CNTNAP4: variants seen among roughly 807,000 people sequenced by gnomAD.
The protein encoded by CNTNAP4 is contactin-associated protein-like 4.
CNTNAP4 carries 98 observed loss-of-function variants against 148.4 expected under a neutral mutation model. The ratio of observed to expected loss-of-function variants is 0.66; its 90% CI spans 0.56 to 0.78. The LOEUF (loss-of-function observed/expected upper bound fraction) is 0.78. CNTNAP4 is among the 30% of genes least tolerant of loss of function. The probability of loss-of-function intolerance (pLI) is 0.00; values close to 1 mark genes in which losing one functional copy is unlikely to be tolerated. For synonymous variants in CNTNAP4, 730 were observed against 565.1 expected (o/e 1.29, Z -4.14); for missense variants, 1,935 against 1,565.6 (o/e 1.24, Z -3.98).
intron 10 of CNTNAP4, among the ~76,000 whole-genome samples, chr16:76,474,477 C>A (rs1278173343): frequency 6.6e-6 from 1 of 152,120 alleles, no homozygotes; most frequent in Non-Finnish European, 1.5e-5. Flanking sequence ...GAAAAAAAAT[C>A]CATAATATCT....
chr16:76,317,277 C>CAAAAAAAAAAA (rs1567680000), intron 2 of CNTNAP4, among the ~76,000 whole-genome samples: 53 of 85,038 alleles, frequency 6.2e-4, no homozygotes, highest in Non-Finnish European at 1.0e-3. Context: ...AAAAAAAAAA[C>CAAAAAAAAAAA]CAAAAAAAAA....
At chr16:76,529,626 C>T (rs529414200) in intron 17 of CNTNAP4, among the ~76,000 whole-genome samples, 33 of 152,206 alleles carry the variant, frequency 2.2e-4, no homozygotes, top group Admixed American at 1.2e-3. Flanking sequence ...GGTTTTCAAA[C>T]GGGGCTAAAT....
At chr16:76,356,331 G>A (rs537551864) in intron 3 of CNTNAP4, among the ~76,000 whole-genome samples, 7 of 151,890 alleles carry the variant, frequency 4.6e-5, no homozygotes, top group Non-Finnish European at 4.4e-5. Flanking sequence ...ACACATGTAC[G>A]CATATATATG....
intron 2 of CNTNAP4, among the ~76,000 whole-genome samples, chr16:76,318,766 A>C (rs28415066): frequency 2.1e-3 from 287 of 139,294 alleles, no homozygotes; most frequent in Admixed American, 3.1e-3. Context: ...TATTCATAAT[A>C]ATAATCATAA....
At chr16:76,467,977 C>T (rs1481909928) in intron 10 of CNTNAP4, among the ~76,000 whole-genome samples, 1 of 152,130 alleles carries the variant, frequency 6.6e-6, no homozygotes, top group African/African-American at 2.4e-5. Context: ...CAGCTGGTTG[C>T]ACTTCTCCTA....
chr16:76,414,031 C>T (rs535693845), intron 3 of CNTNAP4, among the ~76,000 whole-genome samples: 2 of 151,366 alleles, frequency 1.3e-5, no homozygotes, highest in African/African-American at 2.4e-5. Context: ...CCTTTCCAAT[C>T]CTACTACCTG....
intron 1 of CNTNAP4, among the ~76,000 whole-genome samples, chr16:76,312,152 A>G (rs918193798): frequency 2.0e-5 from 3 of 152,164 alleles, no homozygotes; most frequent in Non-Finnish European, 2.9e-5. Flanking sequence ...CACTATTGAC[A>G]TTTGAGACCA....
intron 3 of CNTNAP4, among the ~76,000 whole-genome samples, chr16:76,355,839 CTTTTATTTATTTATTT>C (rs998704293): frequency 2.8e-5 from 4 of 142,236 alleles, no homozygotes; most frequent in African/African-American, 1.1e-4. Flanking sequence ...CTTGCATTGT[CTTTTATTTATTTATTT>C]ATTTATTTAT....
intron 10 of CNTNAP4, among the ~76,000 whole-genome samples, chr16:76,474,397 C>T (rs527983293): frequency 1.5e-4 from 23 of 152,170 alleles, no homozygotes; most frequent in African/African-American, 4.6e-4. Context: ...GCCTGTAGTC[C>T]GCAAGAAACC....
chr16:76,282,197 A>G (rs535702282), intron 1 of CNTNAP4, among the ~76,000 whole-genome samples: 21 of 152,042 alleles, frequency 1.4e-4, no homozygotes, highest in African/African-American at 5.1e-4. Flanking sequence ...AACAGAGGAT[A>G]TCTTCAAGTT....
intron 2 of CNTNAP4, among the ~76,000 whole-genome samples, chr16:76,318,754 A>G (rs1487808897): frequency 7.0e-6 from 1 of 142,840 alleles, no homozygotes; most frequent in Non-Finnish European, 1.5e-5. Flanking sequence ...TAATCATAAT[A>G]ATATTCATAA....
At chr16:76,370,505 G>A (rs2014684518) in intron 3 of CNTNAP4, among the ~76,000 whole-genome samples, 1 of 152,120 alleles carries the variant, frequency 6.6e-6, no homozygotes, top group Admixed American at 6.5e-5. Flanking sequence ...AAATACCCTG[G>A]TTCCTCCCTT....
intron 3 of CNTNAP4, among the ~76,000 whole-genome samples, chr16:76,408,979 T>C (rs1401581750): frequency 6.6e-6 from 1 of 152,036 alleles, no homozygotes; most frequent in Non-Finnish European, 1.5e-5. Flanking sequence ...TTTTCAAACC[T>C]GCGGGAACAA....
At position 76,553,493 on chromosome 16, in the gene CNTNAP4, C is replaced by G. The variant is rs778044346; in HGVS notation, c.3653C>G (p.Ser1218Trp). 1 of 1,607,866 alleles carries G rather than the reference C, an allele frequency of 6.2e-7. No individual in the cohort carries two copies. The highest frequency in any genetic ancestry group is 1.7e-5 in the Admixed American group (1 of 59,520). Residue 1218 changes from serine (S) to tryptophan (W), a missense_variant, in exon 22 of 24, where the codon TCG becomes TGG. Physicochemically the swap from Ser to Trp is radical, Grantham distance 177. Coordinates refer to ENST00000611870, the MANE Select transcript of CNTNAP4 (RefSeq NM_033401.5). ...GCCACATCAAGGGAAAGGACACACT[C>G]GTTTGCAGGTGACTTAGAGTTCTTC... ...TDATSRERTH[S>W]FADHSGTIDD...
intron 4 of CNTNAP4, among the ~76,000 whole-genome samples, chr16:76,433,780 G>A (rs1276154095): frequency 6.6e-6 from 1 of 152,062 alleles, no homozygotes; most frequent in East Asian, 1.9e-4. Context: ...ACTCCCACAT[G>A]CTAACTGCTA....
At chr16:76,480,016 AC>A (rs2081758098) in intron 12 of CNTNAP4, among the ~76,000 whole-genome samples, 1 of 152,174 alleles carries the variant, frequency 6.6e-6, no homozygotes, top group African/African-American at 2.4e-5. Context: ...TTCGATAAAG[AC>A]CAGAAAACTT....
chr16:76,552,912 A>G (rs966622183), intron 21 of CNTNAP4, among the ~76,000 whole-genome samples: 1 of 152,206 alleles, frequency 6.6e-6, no homozygotes, highest in Admixed American at 6.5e-5. Flanking sequence ...TTGTTTTCAA[A>G]TCCAGGATGT....
intron 20 of CNTNAP4, 125 bp downstream of exon 20, chr16:76,539,977 A>G (rs960853437): frequency 1.5e-6 from 1 of 664,620 alleles, no homozygotes; most frequent in Non-Finnish European, 2.5e-6. Context: ...TCTGCAGATA[A>G]TAGACCTCAA....
chr16:76,399,551 T>A (rs914098721), intron 3 of CNTNAP4, among the ~76,000 whole-genome samples: 2 of 152,154 alleles, frequency 1.3e-5, no homozygotes, highest in Non-Finnish European at 2.9e-5. Flanking sequence ...CAGGGAGAGA[T>A]CAAGAATACC....
Sources: gnomAD v4.1 joint callset for allele counts (sites outside exome capture counted in the v4.1 genomes callset) on GRCh38, gnomAD v4.1.1 for gene constraint, MANE v1.5 for transcripts, NCBI Gene and HGNC (gene_info 2026-07-23, HGNC 2026-07-21) for gene names.